GPR158: variants seen among roughly 807,000 people sequenced by gnomAD.
GPR158 encodes G protein-coupled receptor 158.
Under a neutral mutation model 78.2 loss-of-function variants are expected in GPR158, and 30 were observed. The ratio of observed to expected loss-of-function variants is 0.38; its 90% confidence interval spans 0.29 to 0.52. GPR158 has a LOEUF of 0.52. Among genes scored for constraint, GPR158 ranks in the 20% least tolerant of loss-of-function variants. GPR158 has a pLI of 0.83. For synonymous variants in GPR158, 581 were observed against 591.1 expected (o/e 0.98, Z 0.25); for missense variants, 1,463 against 1,523.5 (o/e 0.96, Z 0.66).
At chr10:25,440,771 A>G (rs1237320331) in intron 4 of GPR158, among the ~76,000 whole-genome samples, 2 of 152,192 alleles carry the variant, frequency 1.3e-5, no homozygotes, top group Non-Finnish European at 2.9e-5. Flanking sequence ...TTTCTCCATA[A>G]AGCATTCCTA....
intron 6 of GPR158, among the ~76,000 whole-genome samples, chr10:25,570,811 G>T (rs1443204960): frequency 6.6e-6 from 1 of 152,034 alleles, no homozygotes; most frequent in East Asian, 1.9e-4. Flanking sequence ...CACCTACTTG[G>T]GAGGCTGAGG....
intron 6 of GPR158, among the ~76,000 whole-genome samples, chr10:25,572,373 G>A (rs1189127651): frequency 6.6e-6 from 1 of 152,184 alleles, no homozygotes; most frequent in Non-Finnish European, 1.5e-5. Flanking sequence ...CGTGCCTGGA[G>A]TCTCAGCTAC....
At chr10:25,301,487 T>C (rs927226027) in intron 2 of GPR158, among the ~76,000 whole-genome samples, 2 of 152,162 alleles carry the variant, frequency 1.3e-5, no homozygotes, top group Non-Finnish European at 2.9e-5. Flanking sequence ...ATAGAGTAAG[T>C]TAAAGTGAAT....
At position 25,233,992 on chromosome 10, in the gene GPR158, GAATT is replaced by G. The variant is rs1248005285; in HGVS notation, c.1008+12839_1008+12842del. ...TATATTTGTTTTATTGATTTTAAAT[GAATT>G]AATACATATTTTGGAATTTTATCAG... On this transcript the variant is annotated intron_variant, in intron 2 of 10. Transcript: ENST00000376351. 3.9e-5 allele frequency among the ~76,000 whole-genome samples: 6 copies of G among 152,122 alleles called. No homozygotes were observed. In the East Asian group the frequency reaches 9.7e-4, roughly 24 times the overall value.
intron 2 of GPR158, among the ~76,000 whole-genome samples, chr10:25,320,422 G>A (rs1414490449): frequency 6.6e-6 from 1 of 152,114 alleles, no homozygotes; most frequent in Non-Finnish European, 1.5e-5. Context: ...ACCATCTGTG[G>A]GTCTGCTCTT....
intron 2 of GPR158, among the ~76,000 whole-genome samples, chr10:25,304,042 G>T (rs987433698): frequency 6.6e-6 from 1 of 152,116 alleles, no homozygotes; most frequent in Non-Finnish European, 1.5e-5. Flanking sequence ...TGTTATCTTG[G>T]AACTTTCTAA....
intron 6 of GPR158, among the ~76,000 whole-genome samples, chr10:25,567,652 C>G (rs2130727576): frequency 6.6e-6 from 1 of 152,182 alleles, no homozygotes; most frequent in African/African-American, 2.4e-5. Flanking sequence ...GCATGTCATC[C>G]AGAGGGACCT....
intron 2 of GPR158, among the ~76,000 whole-genome samples, chr10:25,362,076 C>G (rs1272189470): frequency 6.6e-6 from 1 of 151,838 alleles, no homozygotes; most frequent in Non-Finnish European, 1.5e-5. Flanking sequence ...TGAAATATTT[C>G]CTGTATGTTT....
chr10:25,253,134 C>T (rs1037494971), intron 2 of GPR158, among the ~76,000 whole-genome samples: 4 of 135,552 alleles, frequency 3.0e-5, no homozygotes, highest in East Asian at 4.0e-4. Context: ...TGACCCCTTG[C>T]GCTTCCCAGG....
chr10:25,438,961 T>C (rs1835033304), intron 4 of GPR158, among the ~76,000 whole-genome samples: 1 of 152,222 alleles, frequency 6.6e-6, no homozygotes, highest in Non-Finnish European at 1.5e-5. Context: ...TACAGTTTTA[T>C]TGGGATACAG....
chr10:25,359,356 C>G (rs1224514640), intron 2 of GPR158, among the ~76,000 whole-genome samples: 5 of 151,850 alleles, frequency 3.3e-5, no homozygotes, highest in African/African-American at 9.7e-5. Context: ...TTTTCTGCAC[C>G]CCTCCACCCA....
chr10:25,359,826 G>T (rs1253942979), intron 2 of GPR158, among the ~76,000 whole-genome samples: 1 of 152,100 alleles, frequency 6.6e-6, no homozygotes, highest in African/African-American at 2.4e-5. Flanking sequence ...AAATTCTTGA[G>T]GAATCACCAC....
At chr10:25,401,399 G>T (rs557642508) in intron 3 of GPR158, among the ~76,000 whole-genome samples, 1 of 151,938 alleles carries the variant, frequency 6.6e-6, no homozygotes, top group Non-Finnish European at 1.5e-5. Flanking sequence ...TCAGTAATTT[G>T]CTCAATTTTC....
intron 1 of GPR158, among the ~76,000 whole-genome samples, chr10:25,208,558 T>G (rs1354752094): frequency 2.2e-5 from 3 of 135,156 alleles, no homozygotes; most frequent in Non-Finnish European, 4.8e-5. Flanking sequence ...CTATGTGAAT[T>G]TGTGTGTGTG....
At chr10:25,438,943 T>C (rs957948771) in intron 4 of GPR158, among the ~76,000 whole-genome samples, 10 of 152,248 alleles carry the variant, frequency 6.6e-5, no homozygotes, top group African/African-American at 2.4e-4. Flanking sequence ...GATTTCAGTG[T>C]CCACAAATAC....
intron 5 of GPR158, among the ~76,000 whole-genome samples, chr10:25,497,603 A>G (rs4097490): frequency 0.61 from 92,885 of 152,006 alleles, 29,647 homozygotes; most frequent in African/African-American, 0.81. Flanking sequence ...GAGAGTCTCT[A>G]TTCTCGGTAT....
chr10:25,331,127 A>G (rs1855114537), intron 2 of GPR158, among the ~76,000 whole-genome samples: 1 of 152,008 alleles, frequency 6.6e-6, no homozygotes, highest in Non-Finnish European at 1.5e-5. Flanking sequence ...TTTTGTAGAG[A>G]CAGAGTCTCA....
chr10:25,236,935 A>G (rs56872370), intron 2 of GPR158, among the ~76,000 whole-genome samples: 4,881 of 152,314 alleles, frequency 0.032, 275 homozygotes, highest in African/African-American at 0.11. Flanking sequence ...ATGAAGTTGT[A>G]TTTAATCTTC....
In GPR158 at chr10:25,598,538, A is replaced by G. The variant is rs755963863; in HGVS notation, c.2912A>G (p.Gln971Arg). ...CCTGCGGAGGAGCCAAGAAAGCCTC[A>G]GAAATCTGGGATTATGAAACAACAA... ...SNPAEEPRKP[Q>R]KSGIMKQQRV... Residue 971 changes from glutamine to arginine, a missense_variant, in exon 11 of 11, where the codon CAG becomes CGG. Transcript: ENST00000376351. 5.5e-5 allele frequency: 89 copies of G among 1,613,922 alleles called. No individual in the cohort carries two copies. The highest frequency in any genetic ancestry group is 6.9e-5 in the Non-Finnish European group (81 of 1,180,022).
Sources: gnomAD v4.1 joint callset for allele counts (sites outside exome capture counted in the v4.1 genomes callset) on GRCh38, gnomAD v4.1.1 for gene constraint, MANE v1.5 for transcripts, NCBI Gene and HGNC (gene_info 2026-07-23, HGNC 2026-07-21) for gene names.